Variants in DTNB observed in about 807,000 individuals in gnomAD.
DTNB encodes the protein dystrobrevin beta.
Under a neutral mutation model 90.7 loss-of-function variants are expected in DTNB, and 63 were observed. The observed-to-expected ratio is 0.69, with a 90% confidence interval of 0.57 to 0.86. DTNB has a LOEUF of 0.86. Ranked by LOEUF, DTNB falls within the 40% of genes least tolerant of loss-of-function variation. The probability of loss-of-function intolerance (pLI) is 0.00; values close to 1 mark genes in which losing one functional copy is unlikely to be tolerated. For synonymous variants in DTNB, 277 were observed against 286.7 expected (o/e 0.97, Z 0.34); for missense variants, 744 against 807.1 (o/e 0.92, Z 0.95).
At chr2:25,556,725 G>T (rs1228005532) in intron 8 of DTNB, among the ~76,000 whole-genome samples, 1 of 152,138 alleles carries the variant, frequency 6.6e-6, no homozygotes, top group Non-Finnish European at 1.5e-5. Context: ...CGGAGAATCA[G>T]AAAAAGTAGT....
At chr2:25,485,728 C>T (rs1408988751) in intron 9 of DTNB, among the ~76,000 whole-genome samples, 4 of 152,014 alleles carry the variant, frequency 2.6e-5, no homozygotes, top group African/African-American at 7.3e-5. Context: ...ACTAGAGCCA[C>T]GACTCACCAT....
intron 12 of DTNB, among the ~76,000 whole-genome samples, chr2:25,444,898 C>T (rs1422259302): frequency 6.6e-6 from 1 of 152,148 alleles, no homozygotes; most frequent in Non-Finnish European, 1.5e-5. Context: ...AAGAAGAATC[C>T]TTCCTGAGTG....
At chr2:25,537,852 G>A (rs899779392) in intron 8 of DTNB, among the ~76,000 whole-genome samples, 1 of 152,168 alleles carries the variant, frequency 6.6e-6, no homozygotes, top group African/African-American at 2.4e-5. Context: ...AACACTACAG[G>A]TGCGGGACCC....
intron 9 of DTNB, among the ~76,000 whole-genome samples, chr2:25,523,633 T>TC (rs1021236774): frequency 7.4e-6 from 1 of 135,462 alleles, no homozygotes; most frequent in Non-Finnish European, 1.5e-5. Context: ...AGAGCAAGAC[T>TC]CTGTCTCCAA....
At chr2:25,420,224 T>G (rs1306091284) in intron 15 of DTNB, among the ~76,000 whole-genome samples, 1 of 150,896 alleles carries the variant, frequency 6.6e-6, no homozygotes, top group Non-Finnish European at 1.5e-5. Context: ...CTAAACATGT[T>G]GGAACTGTAT....
At chr2:25,634,038 A>T (rs547170112) in intron 3 of DTNB, among the ~76,000 whole-genome samples, 16 of 151,748 alleles carry the variant, frequency 1.1e-4, no homozygotes, top group African/African-American at 3.9e-4. Flanking sequence ...CTGGGAAGTT[A>T]GGAGCGTCTA....
chr2:25,543,494 AG>A (rs2081768576), intron 8 of DTNB, among the ~76,000 whole-genome samples: 1 of 152,012 alleles, frequency 6.6e-6, no homozygotes, highest in South Asian at 2.1e-4. Context: ...TAATAGAGAC[AG>A]GTTTCACCAT....
At chr2:25,549,935 A>G (rs959799085) in intron 8 of DTNB, among the ~76,000 whole-genome samples, 1 of 150,904 alleles carries the variant, frequency 6.6e-6, no homozygotes, top group African/African-American at 2.4e-5. Flanking sequence ...TGCTGGGATT[A>G]CAGGTGTGAG....
intron 11 of DTNB, among the ~76,000 whole-genome samples, chr2:25,453,680 T>G (rs1201809964): frequency 6.6e-6 from 1 of 152,208 alleles, no homozygotes; most frequent in Admixed American, 6.5e-5. Context: ...AATAAAGAAT[T>G]TGTCTTGCCT....
intron 12 of DTNB, among the ~76,000 whole-genome samples, chr2:25,451,344 T>C (rs1159561298): frequency 6.6e-6 from 1 of 152,212 alleles, no homozygotes; most frequent in East Asian, 1.9e-4. Context: ...AAATTTAAAC[T>C]GTAGGTGTGA....
chr2:25,432,809 C>G, intron 14 of DTNB, 77 bp downstream of exon 14: 1 of 1,410,926 alleles, frequency 7.1e-7, no homozygotes, highest in Non-Finnish European at 9.7e-7. Flanking sequence ...AGATTCTACC[C>G]CACTCCTTTG....
At chr2:25,576,280 C>T (rs2060663272) in intron 8 of DTNB, among the ~76,000 whole-genome samples, 1 of 138,114 alleles carries the variant, frequency 7.2e-6, no homozygotes, top group South Asian at 2.3e-4. Context: ...GGCTGGAGTG[C>T]AGTGGCGCAA....
intron 9 of DTNB, among the ~76,000 whole-genome samples, chr2:25,508,578 A>G (rs2073112848): frequency 1.5e-5 from 2 of 132,864 alleles, no homozygotes; most frequent in Admixed American, 1.7e-4. Context: ...CTTGTTGCCC[A>G]CACTGGAGTG....
At chr2:25,449,157 G>A (rs1462783691) in intron 12 of DTNB, among the ~76,000 whole-genome samples, 6 of 152,094 alleles carry the variant, frequency 3.9e-5, no homozygotes, top group Non-Finnish European at 7.4e-5. Flanking sequence ...ATTCACCAAT[G>A]TCGTTGCATG....
At chr2:25,410,001 C>T (rs1336600782) in intron 16 of DTNB, among the ~76,000 whole-genome samples, 1 of 152,224 alleles carries the variant, frequency 6.6e-6, no homozygotes, top group Admixed American at 6.5e-5. Flanking sequence ...TCTATTTTCA[C>T]TTGTTCAGTA....
At chr2:25,568,381 G>A (rs1209428442) in intron 8 of DTNB, among the ~76,000 whole-genome samples, 1 of 151,830 alleles carries the variant, frequency 6.6e-6, no homozygotes, top group Non-Finnish European at 1.5e-5. Context: ...AAGTACGCAG[G>A]CATGGAGGGA....
intron 8 of DTNB, among the ~76,000 whole-genome samples, chr2:25,553,989 G>C (rs1572500090): frequency 6.6e-6 from 1 of 152,106 alleles, no homozygotes; most frequent in African/African-American, 2.4e-5. Flanking sequence ...AACATCAGTA[G>C]ACTGACACAT....
At chr2:25,574,806 G>A (rs1248357311) in intron 8 of DTNB, among the ~76,000 whole-genome samples, 2 of 152,072 alleles carry the variant, frequency 1.3e-5, no homozygotes, top group Non-Finnish European at 2.9e-5. Flanking sequence ...AAAAATTTAA[G>A]TCTCTTTAAC....
chr2:25,520,669 G>C (rs1362927127), intron 9 of DTNB, among the ~76,000 whole-genome samples: 1 of 152,114 alleles, frequency 6.6e-6, no homozygotes, highest in African/African-American at 2.4e-5. Flanking sequence ...AAGTTCATAA[G>C]CACTGATAGC....
Sources: allele counts gnomAD v4.1 joint callset (sites outside exome capture counted in the v4.1 genomes callset), GRCh38; gene constraint gnomAD v4.1.1; transcripts MANE v1.5; gene names NCBI Gene and HGNC (gene_info 2026-07-23, HGNC 2026-07-21).